The following SAMD4A variants were observed in gnomAD, a reference collection of about 807,000 sequenced individuals.
SAMD4A encodes protein Smaug homolog 1.
In SAMD4A, 33 loss-of-function variants were observed where a neutral mutation model predicts 81.3. That is an observed-to-expected ratio of 0.41 (90% CI 0.31 to 0.54). The LOEUF is 0.54. SAMD4A is among the 20% of genes least tolerant of loss of function. SAMD4A has a pLI of 0.37. For synonymous variants in SAMD4A, 389 were observed against 382.1 expected, an observed-to-expected ratio of 1.02 and a Z score of -0.21; for missense variants, 854 against 951.1, an observed-to-expected ratio of 0.90 and a Z score of 1.34.
At chr14:54,568,523 A>G (rs978799413) in intron 2 of SAMD4A, among the ~76,000 whole-genome samples, 1 of 151,244 alleles carries the variant, frequency 6.6e-6, no homozygotes, top group African/African-American at 2.4e-5. Flanking sequence ...CACATGATAG[A>G]TGCCCGGGAC....
At chr14:54,669,299 C>G (rs529204759) in intron 2 of SAMD4A, among the ~76,000 whole-genome samples, 196 of 152,294 alleles carry the variant, frequency 1.3e-3, no homozygotes, top group African/African-American at 4.6e-3. Context: ...CTTGGAGGCT[C>G]TCCCTGAGCA....
intron 2 of SAMD4A, among the ~76,000 whole-genome samples, chr14:54,683,703 T>A (rs1377692279): frequency 1.3e-5 from 2 of 152,210 alleles, no homozygotes; most frequent in Non-Finnish European, 2.9e-5. Flanking sequence ...ATTTGAGCCA[T>A]AAAGAAACCA....
At chr14:54,670,705 C>A (rs1219382107) in intron 2 of SAMD4A, among the ~76,000 whole-genome samples, 1 of 152,154 alleles carries the variant, frequency 6.6e-6, no homozygotes, top group Non-Finnish European at 1.5e-5. Flanking sequence ...CAATTGTTGT[C>A]TTCATATCAT....
chr14:54,652,966 C>T (rs2035438466), intron 2 of SAMD4A: 1 of 152,186 alleles, frequency 6.6e-6, no homozygotes, highest in Non-Finnish European at 1.5e-5. Context: ...CCTCTGTGAG[C>T]CTTCTCTTTC....
At chr14:54,687,479 T>C in intron 2 of SAMD4A, 1 of 408,758 alleles carries the variant, frequency 2.4e-6, no homozygotes, top group South Asian at 1.8e-5. Flanking sequence ...AAAAACAATA[T>C]CTAGAATTCA....
At chr14:54,704,212 C>T (rs985486556) in intron 3 of SAMD4A, among the ~76,000 whole-genome samples, 2 of 152,170 alleles carry the variant, frequency 1.3e-5, no homozygotes, top group Admixed American at 6.5e-5. Context: ...CCAGCAGGAA[C>T]AGTTTACTCG....
intron 2 of SAMD4A, among the ~76,000 whole-genome samples, chr14:54,666,952 G>C (rs2035771529): frequency 6.6e-6 from 1 of 151,960 alleles, no homozygotes. Context: ...CATTTTTGGT[G>C]GTCCTTTTCT....
intron 2 of SAMD4A, among the ~76,000 whole-genome samples, chr14:54,618,875 T>G (rs547607673): frequency 6.6e-6 from 1 of 152,344 alleles, no homozygotes; most frequent in South Asian, 2.1e-4. Context: ...TTCAGTTATT[T>G]ATTGGATCTC....
chr14:54,694,836 G>A (rs2036537895), intron 2 of SAMD4A: 1 of 985,420 alleles, frequency 1.0e-6, no homozygotes, highest in African/African-American at 1.7e-5. Context: ...GAGCAGTCCT[G>A]GAGCACCCAG....
rs376994591 is a variant in SAMD4A at position 54,571,776 on chromosome 14, TA to T, written c.196+3671del. 8.5e-5 allele frequency among the ~76,000 whole-genome samples: 13 copies of T among 152,266 alleles called. 1 individual carries two copies. The South Asian group carries it at 2.7e-3, about 32-fold the overall frequency. On this transcript the variant is annotated intron_variant, in intron 2 of 12. Transcript: ENST00000554335. ...ATTCTAGACACAATTCTAACTTTTT[TA>T]AAAAAATTGATAATCCATAGTGTAT...
chr14:54,725,533 G>A (rs2037392898), intron 3 of SAMD4A, among the ~76,000 whole-genome samples: 1 of 152,214 alleles, frequency 6.6e-6, no homozygotes, highest in African/African-American at 2.4e-5. Context: ...ACACTATCAA[G>A]TAATCAAGAT....
At chr14:54,670,270 G>A (rs1046438385) in intron 2 of SAMD4A, among the ~76,000 whole-genome samples, 18 of 152,158 alleles carry the variant, frequency 1.2e-4, no homozygotes, top group African/African-American at 4.3e-4. Flanking sequence ...GACTCTCTGA[G>A]CTTTGTGAAA....
intron 3 of SAMD4A, among the ~76,000 whole-genome samples, chr14:54,727,710 A>G (rs2037460193): frequency 6.6e-6 from 1 of 152,206 alleles, no homozygotes; most frequent in Non-Finnish European, 1.5e-5. Context: ...AAAGGCCACG[A>G]GTATTGACTC....
intron 2 of SAMD4A, among the ~76,000 whole-genome samples, chr14:54,668,508 G>A (rs893083220): frequency 6.6e-5 from 10 of 152,166 alleles, no homozygotes; most frequent in Admixed American, 1.3e-4. Context: ...TGGGACCAGC[G>A]TCCAGTTTCC....
chr14:54,609,977 A>C (rs1231028769), intron 2 of SAMD4A, among the ~76,000 whole-genome samples: 3 of 152,164 alleles, frequency 2.0e-5, no homozygotes, highest in Non-Finnish European at 2.9e-5. Context: ...GGCGCTGCTG[A>C]TATTAAATCA....
intron 2 of SAMD4A, among the ~76,000 whole-genome samples, chr14:54,659,167 C>T (rs2035585640): frequency 6.6e-6 from 1 of 152,196 alleles, no homozygotes; most frequent in South Asian, 2.1e-4. Flanking sequence ...AGAGGTTTCC[C>T]CAGCCTTTTT....
intron 2 of SAMD4A, among the ~76,000 whole-genome samples, chr14:54,638,396 G>C (rs1299314229): frequency 6.6e-6 from 1 of 152,146 alleles, no homozygotes; most frequent in Non-Finnish European, 1.5e-5. Flanking sequence ...ATATTTCCTT[G>C]AGCCAGAGCA....
At chr14:54,752,657 C>T (rs376272265) in intron 6 of SAMD4A, among the ~76,000 whole-genome samples, 9 of 152,042 alleles carry the variant, frequency 5.9e-5, no homozygotes, top group South Asian at 2.1e-4. Flanking sequence ...TCGGGCAGGA[C>T]GAGAGACTGA....
At chr14:54,619,764 G>A (rs530805152) in intron 2 of SAMD4A, among the ~76,000 whole-genome samples, 33 of 152,172 alleles carry the variant, frequency 2.2e-4, no homozygotes, top group African/African-American at 7.7e-4. Context: ...TCCTGCTTTC[G>A]TTTGCTAAGG....
Sources: gnomAD v4.1 joint callset for allele counts (sites outside exome capture counted in the v4.1 genomes callset) on GRCh38, gnomAD v4.1.1 for gene constraint, MANE v1.5 for transcripts, NCBI Gene and HGNC (gene_info 2026-07-23, HGNC 2026-07-21) for gene names.